Variants in PIAS2 observed in about 807,000 individuals in gnomAD.
PIAS2 encodes protein inhibitor of activated STAT 2, also known as E3 SUMO-protein ligase PIAS2.
In PIAS2, 19 loss-of-function variants were observed where a neutral mutation model predicts 69.7. That is an observed-to-expected ratio of 0.27 (90% confidence interval 0.19 to 0.40). PIAS2 has a LOEUF of 0.40. Ranked by LOEUF, PIAS2 falls within the 10% of genes least tolerant of loss-of-function variation. The probability of loss-of-function intolerance (pLI) is 1.00; values close to 1 mark genes in which losing one functional copy is unlikely to be tolerated. For synonymous variants in PIAS2, 261 were observed against 263.2 expected, an observed-to-expected ratio of 0.99 and a Z score of 0.08; for missense variants, 624 against 757.0, an observed-to-expected ratio of 0.82 and a Z score of 2.06.
chr18:46,815,791 T>C, intron 12 of PIAS2: 5 of 995,562 alleles, frequency 5.0e-6, no homozygotes, highest in Non-Finnish European at 6.0e-6. Context: ...CAGATGTCTA[T>C]TTCAATGACA....
At position 46,804,323 on chromosome 18, in the gene PIAS2, T is replaced by C. The variant is rs750592660; in HGVS notation, c.*8110A>G. The C allele has an allele frequency of 3.9e-5, 6 of 152,220 alleles. No homozygotes were observed. Among genetic ancestry groups the C allele is most frequent in the African/African-American group, 9.6e-5 (4 of 41,462 alleles). 9.4% of individuals were successfully genotyped at this position (152,220 alleles called of 1,614,324 possible). On this transcript the variant is annotated 3_prime_UTR_variant, in exon 14 of 14. Transcript: ENST00000585916. ...AGTTAGGGAACACTTGCTTTTTAGA[T>C]AGAATGATCAAGAAAGGCCTCTGAG... is the stretch of plus-strand genomic sequence containing the variant.
upstream of PIAS2, among the ~76,000 whole-genome samples, chr18:46,918,367 C>T (rs1402478093): frequency 6.6e-6 from 1 of 152,144 alleles, no homozygotes; most frequent in African/African-American, 2.4e-5. Flanking sequence ...TTTAATCAGC[C>T]TCCTACCTAC....
At chr18:46,829,524 G>GA (rs2043288394) in intron 10 of PIAS2, among the ~76,000 whole-genome samples, 1 of 152,022 alleles carries the variant, frequency 6.6e-6, no homozygotes, top group Admixed American at 6.6e-5. Flanking sequence ...TTCTACACAG[G>GA]AAAAATATAC....
At position 46,911,407 on chromosome 18, in the gene PIAS2, G is replaced by A. The variant is rs557209740; in HGVS notation, c.24+5915C>T. On this transcript the variant is annotated intron_variant, in intron 1 of 13. Transcript: ENST00000585916. Reference sequence around the variant, plus strand: ...ATTTTTGCATTTTTAGTAGAGACGGGGTTTCACCATGTTAGCCAGGCTGGT... The same window carrying A: ...ATTTTTGCATTTTTAGTAGAGACGGAGTTTCACCATGTTAGCCAGGCTGGT... 2.9e-3 allele frequency among the ~76,000 whole-genome samples: 435 copies of A among 151,980 alleles called. 1 individual carries two copies. Among genetic ancestry groups the A allele is most frequent in the Non-Finnish European group, 4.4e-3 (299 of 67,980 alleles).
chr18:46,857,937 C>G (rs1409283669), intron 3 of PIAS2, among the ~76,000 whole-genome samples: 1 of 152,076 alleles, frequency 6.6e-6, no homozygotes, highest in East Asian at 1.9e-4. Flanking sequence ...AAGAAGGTTG[C>G]AAATGCAAGC....
chr18:46,893,544 GACAA>G (rs1309225476), intron 1 of PIAS2: 2 of 639,520 alleles, frequency 3.1e-6, no homozygotes, highest in Non-Finnish European at 1.9e-6. Flanking sequence ...GTTGTAAATA[GACAA>G]ACAAAAAGTA....
chr18:46,891,960 C>T (rs1463892370), intron 1 of PIAS2, among the ~76,000 whole-genome samples: 3 of 152,116 alleles, frequency 2.0e-5, no homozygotes, highest in African/African-American at 2.4e-5. Flanking sequence ...TCAGATACCA[C>T]ACATGCATCA....
intron 1 of PIAS2, among the ~76,000 whole-genome samples, chr18:46,910,360 G>A (rs2057122919): frequency 6.6e-6 from 1 of 152,070 alleles, no homozygotes; most frequent in South Asian, 2.1e-4. Flanking sequence ...GTAATTATAT[G>A]TATGTTTGTT....
In PIAS2 at chr18:46,811,285, T is replaced by C. The variant is rs1425302903; in HGVS notation, c.*1148A>G. Reference sequence around the variant, plus strand: ...AAAATGAAAAAAAAAAAAAATCTAATGCTGTCCCTTTCCCTAAGTTTGAAA... The same window carrying C: ...AAAATGAAAAAAAAAAAAAATCTAACGCTGTCCCTTTCCCTAAGTTTGAAA... On this transcript the variant is annotated 3_prime_UTR_variant, in exon 14 of 14. Coordinates refer to ENST00000585916, the MANE Select transcript of PIAS2 (RefSeq NM_004671.5). 6.6e-6 allele frequency: 1 copy of C among 151,796 alleles called. No homozygotes were observed. The highest frequency in any genetic ancestry group is 1.5e-5 in the Non-Finnish European group (1 of 67,946). 9.4% of individuals were successfully genotyped at this position (151,796 alleles called of 1,614,324 possible).
chr18:46,907,081 A>T (rs1307546173), intron 1 of PIAS2, among the ~76,000 whole-genome samples: 1 of 152,200 alleles, frequency 6.6e-6, no homozygotes, highest in Non-Finnish European at 1.5e-5. Flanking sequence ...TTCCCCGGAG[A>T]TATCTGCCAA....
At chr18:46,864,898 G>C (rs1016767936) in intron 2 of PIAS2, among the ~76,000 whole-genome samples, 1 of 151,916 alleles carries the variant, frequency 6.6e-6, no homozygotes. Context: ...CTGTATTCAA[G>C]AATTAAATGT....
chr18:46,877,489 C>T (rs917654781), intron 2 of PIAS2, among the ~76,000 whole-genome samples: 2 of 148,318 alleles, frequency 1.3e-5, no homozygotes, highest in African/African-American at 5.3e-5. Context: ...ACCACCCATT[C>T]TGTAAACTGC....
Position 46,890,605 on chromosome 18 carries a change from A to G in PIAS2, c.474T>C (p.Asp158=). Residue 158 remains aspartate, a synonymous_variant, in exon 2 of 14, where the codon GAT becomes GAC. Coordinates refer to ENST00000585916, the MANE Select transcript of PIAS2 (RefSeq NM_004671.5). ...LKNLPFYDVL[D]VLIKPTSLVQ... The stretch of plus-strand genomic sequence containing the variant: ...CTAAACTCGTGGGCTTGATGAGAAC[A>G]TCAAGGACATCATAAAAGGGCAGAT... 1 of 1,613,498 alleles carries G rather than the reference A, an allele frequency of 6.2e-7. No homozygotes were observed. The highest frequency in any genetic ancestry group is 2.2e-5 in the East Asian group (1 of 44,892).
chr18:46,880,234 A>G (rs1298605459), intron 2 of PIAS2, among the ~76,000 whole-genome samples: 1 of 152,010 alleles, frequency 6.6e-6, no homozygotes, highest in Non-Finnish European at 1.5e-5. Flanking sequence ...GGTCTCTACA[A>G]AAAAAATGTA....
chr18:46,881,248 C>T (rs2052196756), intron 2 of PIAS2, among the ~76,000 whole-genome samples: 1 of 152,092 alleles, frequency 6.6e-6, no homozygotes, highest in Non-Finnish European at 1.5e-5. Context: ...CCTAGCAAAC[C>T]TACATTTCTT....
In PIAS2 at chr18:46,805,303, T is replaced by C. The variant is rs1223766986; in HGVS notation, c.*7130A>G. 1 of 152,158 alleles carries C rather than the reference T, an allele frequency of 6.6e-6. No homozygotes were observed. Among genetic ancestry groups the C allele is most frequent in the Non-Finnish European group, 1.5e-5 (1 of 68,038 alleles). The allele number at this position is 152,158 out of a possible 1,614,324, so 9.4% of individuals were successfully genotyped here. Reference sequence around the variant, plus strand: ...GAAAGCGTGGTTCAGTAGACGAAAATGCTGGAGGTAAAGTAACCAATACCT... The same window carrying C: ...GAAAGCGTGGTTCAGTAGACGAAAACGCTGGAGGTAAAGTAACCAATACCT... On this transcript the variant is annotated 3_prime_UTR_variant, in exon 14 of 14. Coordinates refer to ENST00000585916, the MANE Select transcript of PIAS2 (RefSeq NM_004671.5).
chr18:46,865,744 T>C (rs2049346851), intron 2 of PIAS2, among the ~76,000 whole-genome samples: 1 of 152,188 alleles, frequency 6.6e-6, no homozygotes, highest in South Asian at 2.1e-4. Flanking sequence ...ACAAAATGGT[T>C]CATATTTTTT....
At chr18:46,875,910 A>G (rs2156050) in intron 2 of PIAS2, among the ~76,000 whole-genome samples, 80,235 of 152,042 alleles carry the variant, frequency 0.53, 21,423 homozygotes, top group African/African-American at 0.56. Context: ...GAATTATGCC[A>G]AGCTCTCTCT....
intron 11 of PIAS2, among the ~76,000 whole-genome samples, chr18:46,824,327 G>A (rs1260444160): frequency 6.6e-6 from 1 of 152,084 alleles, no homozygotes; most frequent in African/African-American, 2.4e-5. Context: ...ATGCAATTTT[G>A]CTACCAATTC....
Sources: gnomAD v4.1 joint callset for allele counts (sites outside exome capture counted in the v4.1 genomes callset) on GRCh38, gnomAD v4.1.1 for gene constraint, MANE v1.5 for transcripts, NCBI Gene and HGNC (gene_info 2026-07-23, HGNC 2026-07-21) for gene names.